SEC24C: variants seen among roughly 807,000 people sequenced by gnomAD.
SEC24C encodes the protein protein transport protein Sec24C.
In SEC24C, 22 loss-of-function variants were observed where a neutral mutation model predicts 117.0. The observed-to-expected ratio is 0.19, with a 90% CI of 0.13 to 0.27. The LOEUF is 0.27. SEC24C is among the 10% of genes least tolerant of loss of function. The pLI, the probability that SEC24C is intolerant of heterozygous loss-of-function variation, is 1.00. For synonymous variants in SEC24C, 506 were observed against 529.4 expected (o/e 0.96, Z 0.61); for missense variants, 1,155 against 1,375.1 (o/e 0.84, Z 2.53).
chr10:73,764,819 T>C (rs1006573696), intron 8 of SEC24C, among the ~76,000 whole-genome samples: 1 of 152,252 alleles, frequency 6.6e-6, no homozygotes, highest in Admixed American at 6.5e-5. Flanking sequence ...CTTGGTAGGA[T>C]ACTCATATTC....
chr10:73,765,776 AAC>A (rs1565046018), intron 9 of SEC24C, 22 bp from the exon 10 acceptor site: 1 of 1,601,406 alleles, frequency 6.2e-7, no homozygotes, highest in Admixed American at 1.7e-5. Flanking sequence ...ATCTTCGAGT[AAC>A]ACACTGCCAT....
intron 3 of SEC24C, among the ~76,000 whole-genome samples, chr10:73,755,365 A>G (rs2132536288): frequency 6.6e-6 from 1 of 151,982 alleles, no homozygotes; most frequent in African/African-American, 2.4e-5. Context: ...AGATAAAGAA[A>G]ACTACCCAGT....
intron 6 of SEC24C, among the ~76,000 whole-genome samples, chr10:73,761,493 T>C (rs10509311): frequency 0.054 from 8,192 of 152,248 alleles, 319 homozygotes; most frequent in Non-Finnish European, 0.084. Context: ...GAATAGAGAC[T>C]AGGACTGTAC....
At chr10:73,760,567 A>C in intron 5 of SEC24C, 146 bp from the exon 6 acceptor site, 7 of 1,152,488 alleles carry the variant, frequency 6.1e-6, no homozygotes, top group Non-Finnish European at 7.3e-6. Context: ...TGTCGTTCTG[A>C]TAACATGGTA....
intron 2 of SEC24C, among the ~76,000 whole-genome samples, chr10:73,749,096 G>C (rs961985895): frequency 1.2e-4 from 18 of 152,068 alleles, no homozygotes; most frequent in African/African-American, 4.3e-4. Flanking sequence ...CCATCTAGTG[G>C]GAACACATCT....
intron 6 of SEC24C, chr10:73,762,063 T>G: frequency 7.9e-7 from 1 of 1,272,352 alleles, no homozygotes; most frequent in Non-Finnish European, 1.0e-6. Context: ...CCTCCTTGTA[T>G]TCCCCTGCTG....
chr10:73,766,753 T>C lies in SEC24C; in HGVS notation c.1800-7T>C, dbSNP rs145238688. ...TTTTGGTTGTTTTCCGTCACCTATC[T>C]CTTTAGCTTATTGGATCAGATTCCA... On this transcript the variant is annotated splice_polypyrimidine_tract_variant and splice_region_variant and intron_variant, in intron 12 of 22. Transcript: ENST00000345254. 0.01 allele frequency: 16,167 copies of C among 1,613,226 alleles called. 106 individuals are homozygous for C. The highest frequency in any genetic ancestry group is 0.013 in the Non-Finnish European group (14,758 of 1,179,192).
In SEC24C at chr10:73,765,577, T is replaced by C. The variant is rs2082870292; in HGVS notation, c.1354T>C (p.Cys452Arg). The C allele has an allele frequency of 6.2e-7, 1 of 1,613,674 alleles. No individual in the cohort carries two copies. The highest frequency in any genetic ancestry group is 8.5e-7 in the Non-Finnish European group (1 of 1,179,652). Residue 452 changes from cysteine (C) to arginine (R), a missense_variant, in exon 9 of 23, where the codon TGT becomes CGT. By Grantham distance (180) the Cys-to-Arg change is radical. Around this residue, in one of 2 missense-constraint regions of SEC24C, gnomAD observed 759 missense variants for 992.3 expected, o/e 0.76. Coordinates refer to ENST00000345254, the MANE Select transcript of SEC24C (RefSeq NM_198597.3). ...GCGTTTCCAGTGCTGTTTTTGCAGC[T>C]GTATCAATGATGGTATGTTCATGGA... ...GRRFQCCFCSCINDVPPQYFQ... is the reference protein window; with the variant it reads ...GRRFQCCFCSRINDVPPQYFQ...
At chr10:73,748,825 C>T (rs761962767) in intron 2 of SEC24C, among the ~76,000 whole-genome samples, 1 of 152,098 alleles carries the variant, frequency 6.6e-6, no homozygotes, top group Non-Finnish European at 1.5e-5. Flanking sequence ...TCACTGCAAC[C>T]TCTGCCTCCC....
chr10:73,763,698 T>TTTTTTTTTTTTTA (rs1309320258), intron 7 of SEC24C, 97 bp downstream of exon 7: 2 of 747,140 alleles, frequency 2.7e-6, no homozygotes, highest in Non-Finnish European at 3.9e-6. Flanking sequence ...TTTTTTTTTT[T>TTTTTTTTTTTTTA]TAGTTTTTAA....
At chr10:73,754,238 A>T (rs1718985649) in intron 3 of SEC24C, among the ~76,000 whole-genome samples, 2 of 152,058 alleles carry the variant, frequency 1.3e-5, no homozygotes, top group Non-Finnish European at 2.9e-5. Context: ...AACATGGTGA[A>T]ACCCCATCTC....
At chr10:73,770,933 G>C in intron 22 of SEC24C, 22 bp from the exon 23 acceptor site, 1 of 1,614,118 alleles carries the variant, frequency 6.2e-7, no homozygotes, top group Non-Finnish European at 8.5e-7. Flanking sequence ...CTTGCCTTAT[G>C]AACCCTGAAT....
In SEC24C at chr10:73,770,726, G is replaced by A. The variant is rs1161195243; in HGVS notation, c.3072G>A (p.Leu1024=). ...ITSGLSVLPV[L]DNPLSKKVRG... ...TGTTCTAGAGTGTTCTGCCAGTTCT[G>A]GATAATCCACTGTCCAAGAAGGTTC... Residue 1024 remains leucine, a synonymous_variant, in exon 22 of 23, where the codon CTG becomes CTA. Coordinates refer to ENST00000345254, the MANE Select transcript of SEC24C (RefSeq NM_198597.3). The A allele has an allele frequency of 6.2e-7, 1 of 1,613,930 alleles. No individual in the cohort carries two copies. The highest frequency in any genetic ancestry group is 8.5e-7 in the Non-Finnish European group (1 of 1,180,000).
Position 73,765,772 on chromosome 10 carries a change from G to A in SEC24C, c.1367-28G>A, listed in dbSNP as rs199937551. 7.1e-4 allele frequency: 1,133 copies of A among 1,598,158 alleles called. 2 individuals are homozygous for A. The highest frequency in any genetic ancestry group is 9.2e-4 in the Non-Finnish European group (1,072 of 1,165,814). Reference sequence around the variant, plus strand: ...ATACTAAGATTGAAACTGGATCTTCGAGTAACACACTGCCATGCTTCCCAC... The same window carrying A: ...ATACTAAGATTGAAACTGGATCTTCAAGTAACACACTGCCATGCTTCCCAC... On this transcript the variant is annotated intron_variant, in intron 9 of 22. Transcript: ENST00000345254.
intron 6 of SEC24C, chr10:73,762,050 C>G (rs2082805408): frequency 8.2e-7 from 1 of 1,224,608 alleles, no homozygotes; most frequent in South Asian, 1.3e-5. Flanking sequence ...GTTCTTTTGT[C>G]TCCCTCCTTG....
chr10:73,758,268 A>C (rs1357656118), intron 3 of SEC24C, among the ~76,000 whole-genome samples: 1 of 152,174 alleles, frequency 6.6e-6, no homozygotes, highest in African/African-American at 2.4e-5. Context: ...AAGTAGAGAC[A>C]GAGTATAGAC....
At chr10:73,770,520 GA>G in intron 21 of SEC24C, 49 bp downstream of exon 21, 1 of 1,599,314 alleles carries the variant, frequency 6.3e-7, no homozygotes, top group Non-Finnish European at 8.6e-7. Flanking sequence ...TATACTTTGT[GA>G]AACAATTGGG....
chr10:73,762,638 G>A (rs1286947501), intron 6 of SEC24C, among the ~76,000 whole-genome samples: 1 of 152,242 alleles, frequency 6.6e-6, no homozygotes, highest in Non-Finnish European at 1.5e-5. Context: ...GTTTGGGAAA[G>A]TGTGGGTGCT....
rs1181131629 is a variant in SEC24C, at chr10:73,760,917, G to C, written c.987+68G>C. On this transcript the variant is annotated intron_variant, in intron 6 of 22. Coordinates refer to ENST00000345254, the MANE Select transcript of SEC24C (RefSeq NM_198597.3). ...GCCAGATAGGCAGGTCAATCTAGAT[G>C]AAATGTTTGCCTAGCATTTTCTGAT... 2.1e-6 allele frequency: 3 copies of C among 1,436,360 alleles called. No individual in the cohort carries two copies. In the African/African-American group the frequency reaches 4.3e-5, roughly 21 times the overall value. The allele number at this position is 1,436,360 out of a possible 1,614,324, so 89.0% of individuals were successfully genotyped here.
Sources: gnomAD v4.1 joint callset for allele counts (sites outside exome capture counted in the v4.1 genomes callset) on GRCh38, gnomAD v4.1.1 for gene constraint, gnomAD v4.1.1 regional missense constraint, MANE v1.5 for transcripts, NCBI Gene and HGNC (gene_info 2026-07-23, HGNC 2026-07-21) for gene names.